Variants in NLGN1 observed in about 807,000 individuals in gnomAD.
NLGN1 encodes the protein neuroligin-1.
Under a neutral mutation model 65.5 loss-of-function variants are expected in NLGN1, and 12 were observed. The observed-to-expected ratio is 0.18, with a 90% CI of 0.12 to 0.30. The LOEUF (loss-of-function observed/expected upper bound fraction) is 0.30, where lower values mean the gene tolerates loss of function less well. NLGN1 is among the 10% of genes least tolerant of loss of function. NLGN1 has a pLI of 1.00. For synonymous variants in NLGN1, 350 were observed against 359.5 expected, an observed-to-expected ratio of 0.97 and a Z score of 0.30; for missense variants, 750 against 1,007.1, an observed-to-expected ratio of 0.74 and a Z score of 3.46.
chr3:173,536,143 TC>T (rs1322313826), intron 2 of NLGN1, among the ~76,000 whole-genome samples: 1 of 152,136 alleles, frequency 6.6e-6, no homozygotes, highest in Non-Finnish European at 1.5e-5. Context: ...ATTCCTGTCT[TC>T]CCCTTCTGGT....
chr3:174,116,568 C>G (rs934059015), intron 4 of NLGN1, among the ~76,000 whole-genome samples: 6 of 151,802 alleles, frequency 4.0e-5, no homozygotes, highest in African/African-American at 1.5e-4. Flanking sequence ...AAATTTCTGG[C>G]CTGAAGTGAT....
intron 2 of NLGN1, among the ~76,000 whole-genome samples, chr3:173,453,753 C>G (rs995344827): frequency 6.6e-6 from 1 of 152,150 alleles, no homozygotes; most frequent in East Asian, 1.9e-4. Flanking sequence ...TTTACCAGAT[C>G]TGCAGTTACT....
chr3:173,528,875 C>G (rs1347785731), intron 2 of NLGN1, among the ~76,000 whole-genome samples: 4 of 152,046 alleles, frequency 2.6e-5, no homozygotes, highest in Admixed American at 2.6e-4. Context: ...TGGTTTTCAA[C>G]CTTTTCTTTG....
chr3:173,660,819 T>A (rs1560122371), intron 3 of NLGN1, among the ~76,000 whole-genome samples: 1 of 152,010 alleles, frequency 6.6e-6, no homozygotes, highest in Non-Finnish European at 1.5e-5. Context: ...TCATATTTTA[T>A]CTAAGTGTTC....
At chr3:173,500,709 A>C in intron 2 of NLGN1, among the ~76,000 whole-genome samples, 1 of 152,048 alleles carries the variant, frequency 6.6e-6, no homozygotes. Context: ...GTAAGCTTTT[A>C]ATTATTGCAT....
chr3:173,600,051 C>T (rs73181066), intron 2 of NLGN1, among the ~76,000 whole-genome samples: 11 of 152,110 alleles, frequency 7.2e-5, no homozygotes, highest in Middle Eastern at 3.4e-3. Context: ...TGGCCTCAGG[C>T]ACTTAATGCT....
chr3:174,215,316 T>A (rs1737392834), intron 4 of NLGN1, among the ~76,000 whole-genome samples: 2 of 152,212 alleles, frequency 1.3e-5, no homozygotes, highest in East Asian at 3.9e-4. Context: ...AATTGAGAAC[T>A]TCTTGGAGAA....
intron 4 of NLGN1, among the ~76,000 whole-genome samples, chr3:173,935,593 T>TACAC (rs769538665): frequency 0.21 from 29,316 of 142,412 alleles, 3,253 homozygotes; most frequent in East Asian, 0.35. Flanking sequence ...ATATACAGTC[T>TACAC]ACACACACAC....
rs577263710 is a variant in NLGN1 at position 173,506,708 on chromosome 3, A to G, written c.-321+71630A>G. Among the ~76,000 whole-genome samples, 290 of 152,208 alleles carry G rather than the reference A, an allele frequency of 1.9e-3. 3 individuals are homozygous for G. In the Middle Eastern group the frequency reaches 0.027, roughly 14 times the overall value. On this transcript the variant is annotated intron_variant, in intron 2 of 6. Coordinates refer to ENST00000457714, the Ensembl canonical transcript of NLGN1. ...GTATTACTGGTTCCATCAGAATTCT[A>G]TATTTGTTTACTTTTAATGAATTTT...
chr3:173,702,314 A>G (rs1221615992), intron 3 of NLGN1, among the ~76,000 whole-genome samples: 1 of 152,092 alleles, frequency 6.6e-6, no homozygotes, highest in Non-Finnish European at 1.5e-5. Context: ...ATGAAGGGAT[A>G]GAGAAAGGGA....
intron 2 of NLGN1, among the ~76,000 whole-genome samples, chr3:173,585,415 G>A (rs889837840): frequency 6.6e-6 from 1 of 152,072 alleles, no homozygotes; most frequent in African/African-American, 2.4e-5. Context: ...CCGTTTCTGC[G>A]GCTGTCGTGG....
At chr3:173,813,926 G>A (rs1460807890) in intron 4 of NLGN1, among the ~76,000 whole-genome samples, 2 of 152,208 alleles carry the variant, frequency 1.3e-5, no homozygotes, top group African/African-American at 4.8e-5. Context: ...TAGTCTTCGT[G>A]TCATTATAAG....
chr3:173,684,583 A>G (rs1412388654), intron 3 of NLGN1, among the ~76,000 whole-genome samples: 2 of 152,198 alleles, frequency 1.3e-5, no homozygotes, highest in African/African-American at 2.4e-5. Flanking sequence ...AAAGAACCCA[A>G]TTTTTAAAAT....
chr3:173,726,788 T>C (rs991263074), intron 3 of NLGN1, among the ~76,000 whole-genome samples: 3 of 140,748 alleles, frequency 2.1e-5, no homozygotes, highest in Non-Finnish European at 4.7e-5. Context: ...GTACAGTTTG[T>C]ATTAAAGGAC....
At chr3:173,521,531 G>C (rs985179790) in intron 2 of NLGN1, among the ~76,000 whole-genome samples, 1 of 152,120 alleles carries the variant, frequency 6.6e-6, no homozygotes. Flanking sequence ...CTTATGGCCT[G>C]GTGCCTTGTT....
chr3:174,090,927 A>G (rs986624610), intron 4 of NLGN1, among the ~76,000 whole-genome samples: 2 of 152,076 alleles, frequency 1.3e-5, no homozygotes, highest in African/African-American at 4.8e-5. Flanking sequence ...AAGAGTAGTA[A>G]TTTTTGCCTT....
chr3:173,605,676 G>T, intron 3 of NLGN1, 83 bp downstream of exon 3: 2 of 623,052 alleles, frequency 3.2e-6, no homozygotes, highest in Non-Finnish European at 5.2e-6. Flanking sequence ...ATGATTTGCT[G>T]ATGCTGGGAA....
At chr3:173,807,359 C>T (rs957773669) in intron 3 of NLGN1, among the ~76,000 whole-genome samples, 3 of 152,048 alleles carry the variant, frequency 2.0e-5, no homozygotes, top group African/African-American at 7.2e-5. Flanking sequence ...GAATCATTGC[C>T]ATTCTGTTTC....
At chr3:173,489,590 G>T (rs1033603950) in intron 2 of NLGN1, among the ~76,000 whole-genome samples, 1 of 152,084 alleles carries the variant, frequency 6.6e-6, no homozygotes, top group African/African-American at 2.4e-5. Flanking sequence ...AATCCTTTGG[G>T]TATATACCCA....
Sources: allele counts gnomAD v4.1 joint callset (sites outside exome capture counted in the v4.1 genomes callset), GRCh38; gene constraint gnomAD v4.1.1; transcripts MANE v1.5; gene names NCBI Gene and HGNC (gene_info 2026-07-23, HGNC 2026-07-21).